CIB4: variants seen among roughly 807,000 people sequenced by gnomAD.
CIB4 encodes the protein calcium and integrin binding family member 4, also known as calcium and integrin-binding family member 4.
CIB4 carries 25 observed loss-of-function variants against 25.8 expected under a neutral mutation model. The observed-to-expected ratio is 0.97, with a 90% CI of 0.71 to 1.35. The LOEUF (loss-of-function observed/expected upper bound fraction) is 1.35, where lower values mean the gene tolerates loss of function less well. Among genes scored for constraint, CIB4 ranks in the 40% most tolerant of loss-of-function variants. The pLI is 0.00. For missense variants in CIB4, 235 were observed against 228.2 expected, an observed-to-expected ratio of 1.03 and a Z score of -0.19; for synonymous variants, 75 against 81.4, an observed-to-expected ratio of 0.92 and a Z score of 0.42.
At chr2:26,584,876 G>A (rs944373239) in intron 4 of CIB4, among the ~76,000 whole-genome samples, 11 of 152,250 alleles carry the variant, frequency 7.2e-5, no homozygotes, top group South Asian at 4.1e-4. Context: ...ACTGACTCCC[G>A]TGTGTGCCGG....
intron 3 of CIB4, among the ~76,000 whole-genome samples, chr2:26,596,525 C>T (rs1185191535): frequency 6.6e-6 from 1 of 152,092 alleles, no homozygotes; most frequent in Non-Finnish European, 1.5e-5. Flanking sequence ...AGGTGGATCA[C>T]CTGAGGTCAG....
At chr2:26,613,031 G>A (rs183657409) in intron 3 of CIB4, among the ~76,000 whole-genome samples, 92 of 152,328 alleles carry the variant, frequency 6.0e-4, no homozygotes, top group African/African-American at 2.2e-3. Flanking sequence ...AGAGAGAGAA[G>A]GAGGATCCTT....
At chr2:26,585,360 G>A (rs531667078) in intron 4 of CIB4, among the ~76,000 whole-genome samples, 3 of 151,956 alleles carry the variant, frequency 2.0e-5, no homozygotes, top group South Asian at 2.1e-4. Context: ...CAGAGGGTGC[G>A]GGGAGGGCCT....
intron 2 of CIB4, among the ~76,000 whole-genome samples, chr2:26,634,360 A>G (rs1669491434): frequency 6.6e-6 from 1 of 152,196 alleles, no homozygotes; most frequent in Non-Finnish European, 1.5e-5. Flanking sequence ...CTGATCTGCT[A>G]CTTGCAATCT....
At position 26,595,330 on chromosome 2, in the gene CIB4, G is replaced by C; in HGVS notation, c.187-13C>G. On this transcript the variant is annotated splice_polypyrimidine_tract_variant and intron_variant, in intron 3 of 6. Transcript: ENST00000288861. ...TGAAAGGGTTGACCTGTGGGCGACA[G>C]GAGGAGCAGGGAGGAGGTCTATCAG... 1 of 1,607,274 alleles carries C rather than the reference G, an allele frequency of 6.2e-7. No homozygotes were observed. The highest frequency in any genetic ancestry group is 1.1e-5 in the South Asian group (1 of 90,898).
intron 2 of CIB4, among the ~76,000 whole-genome samples, chr2:26,638,650 C>A (rs994611875): frequency 2.0e-5 from 3 of 152,126 alleles, no homozygotes; most frequent in African/African-American, 7.2e-5. Flanking sequence ...ATTGTCTCAC[C>A]CATCGAAGTT....
rs1418442599 is a variant in CIB4, at chr2:26,589,014, C to A, written c.329-5116G>T. On this transcript the variant is annotated intron_variant, in intron 4 of 6. Transcript: ENST00000288861. ...TCTTCTTCTTCTTCTTCTTCTTCTT[C>A]TTCTTCTTCTTCTTCTTCTTCTTCT... Among the ~76,000 whole-genome samples the A allele has an allele frequency of 4.4e-4, 10 of 22,690 alleles. 2 individuals carry two copies. Among genetic ancestry groups the A allele is most frequent in the African/African-American group, 1.6e-3 (9 of 5,800 alleles). 14.9% of individuals were successfully genotyped at this position (22,690 alleles called of 152,430 possible).
rs1011118755 is a variant in CIB4 at position 26,583,714 on chromosome 2, C to T, written c.438+75G>A. The T allele has an allele frequency of 4.1e-6, 4 of 966,710 alleles. No homozygotes were observed. In the African/African-American group the frequency reaches 4.8e-5, roughly 12 times the overall value. 59.9% of individuals were successfully genotyped at this position (966,710 alleles called of 1,614,324 possible). A position where few individuals can be genotyped will look rare whatever the true frequency, so the allele number is the denominator to read the frequency against. ...GTCTCCTCCCAAGAGGGTGGCCTGA[C>T]ATCCGGGGGCTTTGGGTGACAACCT... On this transcript the variant is annotated intron_variant, in intron 5 of 6. Transcript: ENST00000288861.
chr2:26,614,225 G>C (rs1425886159), intron 3 of CIB4, among the ~76,000 whole-genome samples: 1 of 152,320 alleles, frequency 6.6e-6, no homozygotes, highest in South Asian at 2.1e-4. Context: ...GTGGAATAAA[G>C]CCTCAAGCCA....
At chr2:26,586,545 T>C (rs1003908804) in intron 4 of CIB4, among the ~76,000 whole-genome samples, 2 of 152,234 alleles carry the variant, frequency 1.3e-5, no homozygotes, top group African/African-American at 4.8e-5. Flanking sequence ...GACATCTTTG[T>C]CTTTTTGCTC....
intron 6 of CIB4, 48 bp downstream of exon 6, chr2:26,582,777 G>A (rs778044733): frequency 3.3e-6 from 4 of 1,218,000 alleles, no homozygotes; most frequent in Non-Finnish European, 4.8e-6. Flanking sequence ...GGCCCTTCCT[G>A]CCCCCACCAC....
At chr2:26,615,811 T>A (rs1462308077) in intron 3 of CIB4, among the ~76,000 whole-genome samples, 1 of 152,266 alleles carries the variant, frequency 6.6e-6, no homozygotes, top group East Asian at 1.9e-4. Context: ...GAGCTTTTTC[T>A]GAAACAAACC....
chr2:26,607,100 T>G (rs546868404), intron 3 of CIB4, among the ~76,000 whole-genome samples: 126 of 152,162 alleles, frequency 8.3e-4, no homozygotes, highest in Non-Finnish European at 1.5e-3. Flanking sequence ...CTCTCCTAGG[T>G]GGAGCTCAAA....
At chr2:26,615,822 A>C (rs1669081654) in intron 3 of CIB4, among the ~76,000 whole-genome samples, 1 of 152,206 alleles carries the variant, frequency 6.6e-6, no homozygotes, top group African/African-American at 2.4e-5. Context: ...GAAACAAACC[A>C]CTTCTTAATT....
intron 4 of CIB4, among the ~76,000 whole-genome samples, chr2:26,586,494 C>A (rs1468194506): frequency 2.0e-5 from 3 of 152,186 alleles, no homozygotes; most frequent in African/African-American, 7.2e-5. Flanking sequence ...GTTATTAGCT[C>A]GTTTATTTCC....
rs1436728493 is a variant in CIB4, at chr2:26,582,928, C to T, written c.439-15G>A. 1 of 1,594,628 alleles carries T rather than the reference C, an allele frequency of 6.3e-7. No individual in the cohort carries two copies. Among genetic ancestry groups the T allele is most frequent in the Non-Finnish European group, 8.6e-7 (1 of 1,162,804 alleles). On this transcript the variant is annotated splice_polypyrimidine_tract_variant and intron_variant, in intron 5 of 6. Transcript: ENST00000288861. ...TCACTCAGGACCTGGCGAGGGAGCA[C>T]AGAAGACAGTTGAGTGGAACCCCAT... is the stretch of plus-strand genomic sequence containing the variant.
At chr2:26,610,055 C>G (rs1668969477) in intron 3 of CIB4, among the ~76,000 whole-genome samples, 1 of 152,166 alleles carries the variant, frequency 6.6e-6, no homozygotes, top group Non-Finnish European at 1.5e-5. Context: ...TGGCAGGGCC[C>G]CGCTGTGCCT....
At chr2:26,629,579 C>G in intron 2 of CIB4, 73 bp from the exon 3 acceptor site, 1 of 1,024,114 alleles carries the variant, frequency 9.8e-7, no homozygotes, top group East Asian at 2.6e-5. Context: ...GAAAGGAGGC[C>G]AGCAAGCCTG....
At chr2:26,602,021 G>GAACTGTTC (rs1245504487) in intron 3 of CIB4, among the ~76,000 whole-genome samples, 1 of 152,190 alleles carries the variant, frequency 6.6e-6, no homozygotes, top group Non-Finnish European at 1.5e-5. Context: ...GGGGGTGATG[G>GAACTGTTC]AACTGTTCTC....
Sources: gnomAD v4.1 joint callset for allele counts (sites outside exome capture counted in the v4.1 genomes callset) on GRCh38, gnomAD v4.1.1 for gene constraint, MANE v1.5 for transcripts, NCBI Gene and HGNC (gene_info 2026-07-23, HGNC 2026-07-21) for gene names.